Variants in FNDC3B observed in about 807,000 individuals in gnomAD.
FNDC3B encodes the protein fibronectin type III domain-containing protein 3B.
FNDC3B carries 12 observed loss-of-function variants against 151.5 expected under a neutral mutation model. The observed-to-expected ratio is 0.08, with a 90% CI of 0.05 to 0.13. The LOEUF is 0.13. Among genes scored for constraint, FNDC3B ranks in the 10% least tolerant of loss-of-function variants. The probability of loss-of-function intolerance (pLI) is 1.00; values close to 1 mark genes in which losing one functional copy is unlikely to be tolerated. For synonymous variants in FNDC3B, 528 were observed against 549.0 expected (o/e 0.96, Z 0.54); for missense variants, 1,214 against 1,505.3 (o/e 0.81, Z 3.20).
intron 3 of FNDC3B, among the ~76,000 whole-genome samples, chr3:172,161,992 G>C (rs1206330538): frequency 4.0e-5 from 6 of 148,654 alleles, no homozygotes; most frequent in East Asian, 1.9e-4. Flanking sequence ...TTTTTTTTGG[G>C]GGGGGACAGA....
chr3:172,394,992 T>C (rs1294283076), intron 25 of FNDC3B, among the ~76,000 whole-genome samples: 1 of 152,150 alleles, frequency 6.6e-6, no homozygotes, highest in African/African-American at 2.4e-5. Context: ...AAAAACCATA[T>C]AATTATCTCA....
intron 23 of FNDC3B, among the ~76,000 whole-genome samples, chr3:172,365,597 A>AT (rs1448974058): frequency 1.3e-5 from 2 of 152,082 alleles, no homozygotes; most frequent in Non-Finnish European, 2.9e-5. Context: ...TGTTGAAAGG[A>AT]TTTTTCCCCC....
intron 3 of FNDC3B, among the ~76,000 whole-genome samples, chr3:172,217,048 G>C (rs1726016453): frequency 6.8e-6 from 1 of 148,052 alleles, no homozygotes; most frequent in South Asian, 2.2e-4. Flanking sequence ...ACATGGTTCT[G>C]TGCACCTGTG....
intron 19 of FNDC3B, among the ~76,000 whole-genome samples, chr3:172,344,682 G>A (rs1733517989): frequency 6.6e-6 from 1 of 152,184 alleles, no homozygotes; most frequent in Non-Finnish European, 1.5e-5. Context: ...GAAGGGTAGT[G>A]GCCAGGGACA....
chr3:172,219,468 G>A (rs1175525817), intron 3 of FNDC3B, among the ~76,000 whole-genome samples: 1 of 151,754 alleles, frequency 6.6e-6, no homozygotes. Context: ...TTCTTTTTTT[G>A]TTAAGGTGAA....
At chr3:172,376,763 G>T (rs186540037) in intron 23 of FNDC3B, among the ~76,000 whole-genome samples, 15 of 151,274 alleles carry the variant, frequency 9.9e-5, no homozygotes, top group Admixed American at 2.6e-4. Context: ...TAGGTGAAAT[G>T]ACCAGGGCTC....
At chr3:172,310,635 C>G (rs1290418684) in intron 10 of FNDC3B, among the ~76,000 whole-genome samples, 193 bp from the exon 11 acceptor site, 1 of 152,194 alleles carries the variant, frequency 6.6e-6, no homozygotes, top group Non-Finnish European at 1.5e-5. Flanking sequence ...ATAGTGGGGA[C>G]TCTCTCTACT....
At chr3:172,181,399 AAAAAAAAAAAAAAAAC>A in intron 3 of FNDC3B, among the ~76,000 whole-genome samples, 1 of 144,020 alleles carries the variant, frequency 6.9e-6, no homozygotes, top group Non-Finnish European at 1.5e-5. Context: ...TGTCTCCAAA[AAAAAAAAAAAAAAAAC>A]AAAAAAAAAC....
chr3:172,079,267 A>G (rs899353823), intron 1 of FNDC3B, among the ~76,000 whole-genome samples: 2 of 152,124 alleles, frequency 1.3e-5, no homozygotes, highest in Non-Finnish European at 2.9e-5. Flanking sequence ...TGGTTGGGGA[A>G]AAAAAATAAA....
chr3:172,103,150 G>T (rs980852200), intron 1 of FNDC3B, among the ~76,000 whole-genome samples: 1 of 152,132 alleles, frequency 6.6e-6, no homozygotes, highest in African/African-American at 2.4e-5. Flanking sequence ...CAAAGCAAAC[G>T]AACCTTTGGT....
chr3:172,359,213 G>T (rs1028093125), intron 22 of FNDC3B, among the ~76,000 whole-genome samples: 2 of 152,022 alleles, frequency 1.3e-5, no homozygotes, highest in African/African-American at 4.8e-5. Flanking sequence ...CTTGATACTT[G>T]TATCTTCTAA....
intron 2 of FNDC3B, among the ~76,000 whole-genome samples, chr3:172,115,170 T>A (rs1720183403): frequency 6.6e-6 from 1 of 152,192 alleles, no homozygotes; most frequent in Non-Finnish European, 1.5e-5. Flanking sequence ...ATCCTGTGTC[T>A]CCTCATTCTT....
intron 6 of FNDC3B, among the ~76,000 whole-genome samples, chr3:172,279,349 C>A (rs1729588602): frequency 6.6e-6 from 1 of 152,218 alleles, no homozygotes; most frequent in South Asian, 2.1e-4. Context: ...GCTGGGCACA[C>A]TGCTTGGAAA....
At chr3:172,141,644 C>T (rs1721636304) in intron 3 of FNDC3B, among the ~76,000 whole-genome samples, 1 of 152,104 alleles carries the variant, frequency 6.6e-6, no homozygotes, top group Non-Finnish European at 1.5e-5. Flanking sequence ...TAAGTCCAGC[C>T]TGGCCAACAT....
chr3:172,041,488 C>G (rs1576809781), intron 1 of FNDC3B, among the ~76,000 whole-genome samples: 2 of 85,326 alleles, frequency 2.3e-5, no homozygotes, highest in East Asian at 6.7e-4. Context: ...TCTTGTTCTT[C>G]TTCTTTTTTT....
intron 18 of FNDC3B, among the ~76,000 whole-genome samples, chr3:172,343,855 A>G (rs990051361): frequency 6.6e-6 from 1 of 152,218 alleles, no homozygotes; most frequent in African/African-American, 2.4e-5. Flanking sequence ...GGATTATTTT[A>G]TCAATGTAAT....
chr3:172,102,321 G>A (rs1394945647), intron 1 of FNDC3B, among the ~76,000 whole-genome samples: 2 of 152,156 alleles, frequency 1.3e-5, no homozygotes, highest in Non-Finnish European at 2.9e-5. Context: ...TGCCCCAGCA[G>A]GCTGAAATAG....
intron 23 of FNDC3B, among the ~76,000 whole-genome samples, chr3:172,367,869 A>T (rs1734706634): frequency 6.6e-6 from 1 of 152,166 alleles, no homozygotes; most frequent in Non-Finnish European, 1.5e-5. Flanking sequence ...AGGAAGAGGG[A>T]TCTAATAGAG....
At chr3:172,064,796 G>T (rs557753757) in intron 1 of FNDC3B, among the ~76,000 whole-genome samples, 1 of 152,218 alleles carries the variant, frequency 6.6e-6, no homozygotes, top group Non-Finnish European at 1.5e-5. Flanking sequence ...TGGCAAAGGT[G>T]TTGGGAGATT....
Sources: gnomAD v4.1 joint callset for allele counts (sites outside exome capture counted in the v4.1 genomes callset) on GRCh38, gnomAD v4.1.1 for gene constraint, MANE v1.5 for transcripts, NCBI Gene and HGNC (gene_info 2026-07-23, HGNC 2026-07-21) for gene names.